Variants in CNBD1 observed in about 807,000 individuals in gnomAD.
CNBD1 encodes the protein cyclic nucleotide binding domain containing 1, also known as cyclic nucleotide-binding domain-containing protein 1.
A neutral mutation model predicts 54.4 loss-of-function variants in CNBD1; 71 were observed. The observed-to-expected ratio is 1.30, with a 90% CI of 1.08 to 1.59. CNBD1 has a LOEUF of 1.59. Ranked by LOEUF, CNBD1 falls within the 40% of genes most tolerant of loss-of-function variation. The probability of loss-of-function intolerance (pLI) is 0.00; values close to 1 mark genes in which losing one functional copy is unlikely to be tolerated. For missense variants in CNBD1, 659 were observed against 518.0 expected (o/e 1.27, Z -2.64); for synonymous variants, 182 against 170.7 (o/e 1.07, Z -0.51).
intron 6 of CNBD1, among the ~76,000 whole-genome samples, chr8:87,237,857 T>C (rs762629732): frequency 6.6e-6 from 1 of 152,102 alleles, no homozygotes; most frequent in Non-Finnish European, 1.5e-5. Flanking sequence ...CCAGAAAGAA[T>C]GACAAGGATA....
chr8:87,060,787 A>AAT (rs2130638912), intron 4 of CNBD1, among the ~76,000 whole-genome samples: 1 of 152,238 alleles, frequency 6.6e-6, no homozygotes, highest in African/African-American at 2.4e-5. Flanking sequence ...GAAAAAGTTT[A>AAT]ATATATATAT....
chr8:86,919,132 C>T (rs1254489699), intron 3 of CNBD1, among the ~76,000 whole-genome samples: 1 of 152,022 alleles, frequency 6.6e-6, no homozygotes, highest in Non-Finnish European at 1.5e-5. Context: ...CTCATGCCCT[C>T]AGCAGTTAAC....
At chr8:87,103,780 C>T (rs1811478443) in intron 4 of CNBD1, among the ~76,000 whole-genome samples, 1 of 152,088 alleles carries the variant, frequency 6.6e-6, no homozygotes, top group Non-Finnish European at 1.5e-5. Context: ...GGGACACAGC[C>T]AAACCATAGC....
chr8:87,365,595 A>G (rs1469877002), intron 10 of CNBD1, among the ~76,000 whole-genome samples: 1 of 152,074 alleles, frequency 6.6e-6, no homozygotes, highest in Non-Finnish European at 1.5e-5. Context: ...CTATGTTTAC[A>G]TTGCCATGCC....
At chr8:86,869,145 C>T (rs546881011) in intron 1 of CNBD1, among the ~76,000 whole-genome samples, 98 of 152,286 alleles carry the variant, frequency 6.4e-4, no homozygotes, top group Non-Finnish European at 1.2e-3. Flanking sequence ...TCAGAGTTCT[C>T]ATTTCCAGAA....
At chr8:87,018,582 T>C (rs1428162152) in intron 4 of CNBD1, among the ~76,000 whole-genome samples, 1 of 152,184 alleles carries the variant, frequency 6.6e-6, no homozygotes, top group Non-Finnish European at 1.5e-5. Context: ...TGGTCTAACA[T>C]ACAAATTACT....
At chr8:87,292,943 T>A (rs1219411055) in intron 8 of CNBD1, among the ~76,000 whole-genome samples, 2 of 152,096 alleles carry the variant, frequency 1.3e-5, no homozygotes, top group Non-Finnish European at 2.9e-5. Flanking sequence ...TCTTGCTCTA[T>A]AGTATTGAAT....
At chr8:87,297,326 T>C (rs1808897644) in intron 8 of CNBD1, among the ~76,000 whole-genome samples, 1 of 152,132 alleles carries the variant, frequency 6.6e-6, no homozygotes, top group African/African-American at 2.4e-5. Flanking sequence ...TCCAGTGTTA[T>C]TGTACACTTA....
At chr8:87,335,073 C>G (rs1014868680) in intron 8 of CNBD1, among the ~76,000 whole-genome samples, 1 of 152,060 alleles carries the variant, frequency 6.6e-6, no homozygotes, top group Admixed American at 6.6e-5. Flanking sequence ...GTCTGAGAGA[C>G]TGTTATGATT....
chr8:87,025,284 A>AC (rs1586205720), intron 4 of CNBD1, among the ~76,000 whole-genome samples: 1 of 151,902 alleles, frequency 6.6e-6, no homozygotes, highest in African/African-American at 2.4e-5. Flanking sequence ...AAAGCTGGCC[A>AC]CCCCAGCCAG....
chr8:87,219,410 C>T (rs1340903765), intron 5 of CNBD1, among the ~76,000 whole-genome samples: 1 of 152,036 alleles, frequency 6.6e-6, no homozygotes, highest in Non-Finnish European at 1.5e-5. Context: ...TAAAGTCTTA[C>T]TGATAACAGT....
intron 1 of CNBD1, among the ~76,000 whole-genome samples, chr8:86,882,004 C>CT (rs1430279649): frequency 1.3e-5 from 2 of 152,004 alleles, no homozygotes; most frequent in African/African-American, 2.4e-5. Flanking sequence ...AAGTGGACCC[C>CT]TTTTTTACAC....
intron 8 of CNBD1, among the ~76,000 whole-genome samples, chr8:87,334,751 G>T (rs7005179): frequency 7.0e-6 from 1 of 143,016 alleles, no homozygotes. Flanking sequence ...ATGGAGTCTC[G>T]CTCTGTTGCC....
chr8:87,394,776 G>C (rs141861147), intron 2 of CNBD1, among the ~76,000 whole-genome samples: 3 of 151,898 alleles, frequency 2.0e-5, no homozygotes, highest in Non-Finnish European at 2.9e-5. Flanking sequence ...AAACTCATCT[G>C]TTTGGTTAAG....
At chr8:86,885,160 T>C (rs987073283) in intron 1 of CNBD1, among the ~76,000 whole-genome samples, 1 of 152,206 alleles carries the variant, frequency 6.6e-6, no homozygotes, top group African/African-American at 2.4e-5. Context: ...ACAAAAAACA[T>C]TTCTAACTTC....
At chr8:87,266,376 G>T (rs532182830) in intron 6 of CNBD1, among the ~76,000 whole-genome samples, 1 of 142,272 alleles carries the variant, frequency 7.0e-6, no homozygotes, top group South Asian at 2.3e-4. Context: ...GCGACTGATA[G>T]GTAAGCACAC....
intron 8 of CNBD1, among the ~76,000 whole-genome samples, chr8:87,336,335 G>C (rs1470703118): frequency 3.9e-5 from 6 of 152,052 alleles, no homozygotes; most frequent in Non-Finnish European, 5.9e-5. Context: ...AGGTACTCCA[G>C]TTAGTTGTAG....
intron 2 of CNBD1, among the ~76,000 whole-genome samples, chr8:87,391,486 CA>C (rs1485336985): frequency 1.3e-5 from 2 of 152,032 alleles, no homozygotes; most frequent in East Asian, 3.9e-4. Context: ...TGTGTATTGG[CA>C]AAAGAGTAGA....
chr8:87,368,893 C>T (rs4961031), intron 10 of CNBD1, among the ~76,000 whole-genome samples: 13 of 151,640 alleles, frequency 8.6e-5, no homozygotes, highest in South Asian at 2.1e-4. Flanking sequence ...ATGCCAGGCC[C>T]GCTTCCAAAT....
Sources: gnomAD v4.1 joint callset for allele counts (sites outside exome capture counted in the v4.1 genomes callset) on GRCh38, gnomAD v4.1.1 for gene constraint, MANE v1.5 for transcripts, NCBI Gene and HGNC (gene_info 2026-07-23, HGNC 2026-07-21) for gene names.